The following BANP variants were observed in gnomAD, a reference collection of about 807,000 sequenced individuals.
BANP encodes protein BANP.
BANP carries 11 observed loss-of-function variants against 68.1 expected under a neutral mutation model. That is an observed-to-expected ratio of 0.16 (90% CI 0.10 to 0.27). The LOEUF (loss-of-function observed/expected upper bound fraction) is 0.27. BANP is among the 10% of genes least tolerant of loss of function. The pLI is 1.00. For missense variants in BANP, 504 were observed against 722.7 expected, an observed-to-expected ratio of 0.70 and a Z score of 3.47; for synonymous variants, 329 against 303.2, an observed-to-expected ratio of 1.09 and a Z score of -0.88.
In BANP at chr16:88,057,758, G is replaced by C. The variant is rs866475783; in HGVS notation, c.1312-7509G>C. ...GGCGGGGCCATCTGGGTGGGGCGGG[G>C]GGGGGGGTGCGTGCAGTGACTCGCG... On this transcript the variant is annotated intron_variant, in intron 11 of 13. Coordinates refer to ENST00000682872, the MANE Select transcript of BANP (RefSeq NM_001386991.1). The surrounding 1 kb of genome is among the most constrained non-coding windows in gnomAD (Gnocchi z 4.6). Among the ~76,000 whole-genome samples, 7 of 142,836 alleles carry C rather than the reference G, an allele frequency of 4.9e-5. 1 individual carries two copies. The highest frequency in any genetic ancestry group is 6.3e-5 in the Non-Finnish European group (4 of 63,484). The allele number at this position is 142,836 out of a possible 152,430, so 93.7% of individuals were successfully genotyped here. A position where few individuals can be genotyped will look rare whatever the true frequency, so the allele number is the denominator to read the frequency against.
At chr16:87,975,800 CCT>C (rs1416117629) in intron 2 of BANP, among the ~76,000 whole-genome samples, 12 of 142,406 alleles carry the variant, frequency 8.4e-5, no homozygotes, top group Non-Finnish European at 1.2e-4. Context: ...TGTGTAATCC[CCT>C]GTGTGCGGCG....
chr16:88,032,923 G>T (rs1388407473), intron 8 of BANP, among the ~76,000 whole-genome samples, 186 bp from the exon 9 acceptor site: 4 of 152,274 alleles, frequency 2.6e-5, no homozygotes, highest in Non-Finnish European at 5.9e-5. Context: ...GGAAGCCTCA[G>T]TTCCTAAGAC....
intron 11 of BANP, among the ~76,000 whole-genome samples, chr16:88,038,239 C>T (rs917098195): frequency 4.6e-5 from 7 of 152,122 alleles, no homozygotes; most frequent in African/African-American, 9.7e-5. Context: ...CAGGTGAGTG[C>T]CACAGTCCCC....
chr16:88,056,985 A>G (rs1307502888), intron 11 of BANP, among the ~76,000 whole-genome samples: 2 of 152,222 alleles, frequency 1.3e-5, no homozygotes, highest in African/African-American at 4.8e-5. Flanking sequence ...AACAGTACTG[A>G]TTTAAAACTC....
chr16:88,049,936 A>G (rs556923041), intron 11 of BANP, among the ~76,000 whole-genome samples: 1 of 152,222 alleles, frequency 6.6e-6, no homozygotes, highest in Non-Finnish European at 1.5e-5. Context: ...GATTACATAC[A>G]GCATAGGAAA....
intron 4 of BANP, among the ~76,000 whole-genome samples, chr16:87,995,260 GC>G (rs929318197): frequency 2.0e-5 from 3 of 152,216 alleles, no homozygotes; most frequent in African/African-American, 4.8e-5. Context: ...GGCTGCCCTG[GC>G]CTGGGGGTTT....
At chr16:87,954,028 C>A (rs2057535687) in intron 1 of BANP, among the ~76,000 whole-genome samples, 1 of 152,116 alleles carries the variant, frequency 6.6e-6, no homozygotes, top group African/African-American at 2.4e-5. Context: ...ACGCCGGGGA[C>A]TCTGACTCTG....
chr16:87,999,156 C>A (rs1477971795), intron 4 of BANP, among the ~76,000 whole-genome samples: 2 of 146,192 alleles, frequency 1.4e-5, no homozygotes, highest in African/African-American at 2.5e-5. Flanking sequence ...CTGTACTTAC[C>A]TGTCCTTCCA....
chr16:88,034,964 G>A (rs1230333925), intron 9 of BANP: 14 of 196,070 alleles, frequency 7.1e-5, no homozygotes, highest in South Asian at 2.1e-4. Flanking sequence ...AAGTCTGGTC[G>A]TCCTGCTCTG....
At chr16:87,981,644 G>C (rs1741106980) in intron 3 of BANP, among the ~76,000 whole-genome samples, 2 of 152,310 alleles carry the variant, frequency 1.3e-5, no homozygotes, top group Middle Eastern at 3.4e-3. Context: ...AAGAGTGTGA[G>C]CCATTTTTTC....
At chr16:87,995,676 T>G (rs1386770330) in intron 4 of BANP, among the ~76,000 whole-genome samples, 1 of 152,188 alleles carries the variant, frequency 6.6e-6, no homozygotes, top group Non-Finnish European at 1.5e-5. Context: ...GACAAAAACT[T>G]GTACTTGTTC....
chr16:87,968,501 AGTT>A (rs2060523768), intron 1 of BANP, among the ~76,000 whole-genome samples: 4 of 150,804 alleles, frequency 2.7e-5, no homozygotes. Flanking sequence ...AAAAAAAATA[AGTT>A]TAGTTTATCC....
chr16:87,996,007 C>T (rs530479750), intron 4 of BANP, among the ~76,000 whole-genome samples: 1 of 152,318 alleles, frequency 6.6e-6, no homozygotes, highest in East Asian at 1.9e-4. Context: ...TGTTTAAACT[C>T]ATCTTTGGAG....
intron 12 of BANP, among the ~76,000 whole-genome samples, chr16:88,068,069 G>A (rs917299268): frequency 1.3e-5 from 2 of 152,222 alleles, no homozygotes; most frequent in Non-Finnish European, 2.9e-5. Flanking sequence ...GTGTGGCCAC[G>A]CACTTCGTTT....
At chr16:88,008,622 C>CTTAGTA (rs1480887203) in intron 6 of BANP, among the ~76,000 whole-genome samples, 2 of 152,132 alleles carry the variant, frequency 1.3e-5, no homozygotes, top group Non-Finnish European at 2.9e-5. Context: ...TTGGAGCTTA[C>CTTAGTA]TTAGTATTGA....
intron 1 of BANP, among the ~76,000 whole-genome samples, chr16:87,958,903 G>A (rs971185201): frequency 5.9e-5 from 9 of 152,352 alleles, no homozygotes; most frequent in South Asian, 4.1e-4. Context: ...CCCAGAATGC[G>A]TGGAGGCTTC....
At chr16:88,019,050 C>A (rs1173996147) in intron 7 of BANP, among the ~76,000 whole-genome samples, 2 of 152,272 alleles carry the variant, frequency 1.3e-5, no homozygotes, top group African/African-American at 4.8e-5. Flanking sequence ...CTCTCCTAAG[C>A]GGGTGGAGTG....
At chr16:88,034,444 C>T (rs978563032) in intron 9 of BANP, among the ~76,000 whole-genome samples, 1 of 150,798 alleles carries the variant, frequency 6.6e-6, no homozygotes, top group Non-Finnish European at 1.5e-5. Flanking sequence ...TATTTGTCTG[C>T]CCATATGTAT....
chr16:87,973,406 A>C (rs1030519590), intron 1 of BANP, among the ~76,000 whole-genome samples: 1 of 152,174 alleles, frequency 6.6e-6, no homozygotes, highest in Non-Finnish European at 1.5e-5. Context: ...CCTTTACTCT[A>C]TAAAGGAAGA....
Sources: gnomAD v4.1 joint callset for allele counts (sites outside exome capture counted in the v4.1 genomes callset) on GRCh38, gnomAD v4.1.1 for gene constraint, Gnocchi (gnomAD v3.1) non-coding constraint, MANE v1.5 for transcripts, NCBI Gene and HGNC (gene_info 2026-07-23, HGNC 2026-07-21) for gene names.